GSAP: variants seen among roughly 807,000 people sequenced by gnomAD.
The protein encoded by GSAP is gamma-secretase activating protein.
A neutral mutation model predicts 131.7 loss-of-function variants in GSAP; 118 were observed. The observed-to-expected ratio is 0.90, with a 90% CI of 0.77 to 1.04. The LOEUF is 1.04. GSAP is among the 50% of genes least tolerant of loss of function. The pLI, the probability that GSAP is intolerant of heterozygous loss-of-function variation, is 0.00. For synonymous variants in GSAP, 381 were observed against 363.4 expected, an observed-to-expected ratio of 1.05 and a Z score of -0.55; for missense variants, 1,019 against 1,013.2, an observed-to-expected ratio of 1.01 and a Z score of -0.08.
chr7:77,389,529 C>T (rs1392361892), intron 5 of GSAP, among the ~76,000 whole-genome samples: 15 of 150,898 alleles, frequency 9.9e-5, no homozygotes, highest in Non-Finnish European at 1.8e-4. Flanking sequence ...TGAGAACACG[C>T]GGTGTTTGGT....
At position 77,314,431 on chromosome 7, in the gene GSAP, C is replaced by A; in HGVS notation, c.2148G>T (p.Leu716=). ...GCAACACTCCACTGTCAATGCAATG[C>A]AGCAGGTTATGCAAAGGGAGACACT... ...GVQCLPLHNL[L]HCIDSGVLLL... is the part of the protein sequence containing the mutation. Residue 716 remains leucine, a synonymous_variant, in exon 27 of 31, where the codon CTG becomes CTT. Transcript: ENST00000257626. 6.2e-7 allele frequency: 1 copy of A among 1,613,792 alleles called. No individual in the cohort carries two copies. Among genetic ancestry groups the A allele is most frequent in the South Asian group, 1.1e-5 (1 of 91,082 alleles).
At chr7:77,378,445 C>G (rs1421168566) in intron 8 of GSAP, among the ~76,000 whole-genome samples, 2 of 151,914 alleles carry the variant, frequency 1.3e-5, no homozygotes, top group Non-Finnish European at 2.9e-5. Flanking sequence ...GATCCCACCA[C>G]TGCACTCCAG....
chr7:77,323,557 C>A, intron 24 of GSAP, 90 bp downstream of exon 24: 2 of 589,902 alleles, frequency 3.4e-6, no homozygotes, highest in Admixed American at 3.3e-5. Flanking sequence ...ATTTGAAAAA[C>A]ACATAAATGG....
chr7:77,400,936 ATT>A (rs35614699), intron 3 of GSAP, among the ~76,000 whole-genome samples: 93 of 141,944 alleles, frequency 6.6e-4, no homozygotes, highest in African/African-American at 1.9e-3. Flanking sequence ...ACAATTACCA[ATT>A]TTTTTTTTTT....
At chr7:77,355,965 C>T (rs1019375547) in intron 14 of GSAP, among the ~76,000 whole-genome samples, 1 of 151,580 alleles carries the variant, frequency 6.6e-6, no homozygotes, top group Non-Finnish European at 1.5e-5. Context: ...CTAATATTTT[C>T]TATTTTTATA....
At chr7:77,390,768 A>G (rs1799340371) in intron 5 of GSAP, among the ~76,000 whole-genome samples, 1 of 151,580 alleles carries the variant, frequency 6.6e-6, no homozygotes, top group African/African-American at 2.4e-5. Flanking sequence ...AAAATAAAAA[A>G]TAAAAAAATA....
intron 1 of GSAP, among the ~76,000 whole-genome samples, chr7:77,409,140 G>C (rs145408953): frequency 6.6e-6 from 1 of 152,102 alleles, no homozygotes; most frequent in Admixed American, 6.6e-5. Flanking sequence ...TCACACTGAA[G>C]GATAATAAGG....
At chr7:77,357,890 T>G (rs747668599) in intron 14 of GSAP, among the ~76,000 whole-genome samples, 9 of 152,200 alleles carry the variant, frequency 5.9e-5, no homozygotes, top group Non-Finnish European at 1.2e-4. Context: ...GTTCTAAGTT[T>G]GCCATAATTT....
intron 1 of GSAP, among the ~76,000 whole-genome samples, chr7:77,406,804 AG>A (rs1318979719): frequency 1.3e-5 from 2 of 152,176 alleles, no homozygotes; most frequent in African/African-American, 4.8e-5. Flanking sequence ...CGGATACAGG[AG>A]CCGAGGGTAG....
chr7:77,350,031 CAAT>C (rs1490946643), intron 18 of GSAP, among the ~76,000 whole-genome samples: 8 of 151,914 alleles, frequency 5.3e-5, no homozygotes, highest in Non-Finnish European at 1.2e-4. Context: ...AAATGTCCAA[CAAT>C]GATAGACTGG....
At position 77,416,247 on chromosome 7, in the gene GSAP, C is replaced by G; in HGVS notation, c.75G>C (p.Val25=). 6.7e-7 allele frequency: 1 copy of G among 1,493,194 alleles called. No homozygotes were observed. Among genetic ancestry groups the G allele is most frequent in the Non-Finnish European group, 8.9e-7 (1 of 1,123,588 alleles). 92.5% of individuals were successfully genotyped at this position (1,493,194 alleles called of 1,614,324 possible). The change falls in exon 1 of 31, where the codon GTG becomes GTC. Residue 25 remains valine (V), a synonymous_variant. Coordinates refer to ENST00000257626, the MANE Select transcript of GSAP (RefSeq NM_017439.4). ...VLPWLRAQRA[V]SEASGAGSGG... ...CGCTTCCGGCCCCGCTGGCCTCCGA[C>G]ACTGCCCGCTGCGCCCGCAACCACG...
intron 8 of GSAP, 33 bp downstream of exon 8, chr7:77,381,272 A>AG: frequency 7.6e-7 from 1 of 1,321,676 alleles, no homozygotes; most frequent in Non-Finnish European, 1.1e-6. Context: ...GGAAAAAAAA[A>AG]CCTATGAAGC....
At position 77,312,174 on chromosome 7, in the gene GSAP, CAA is replaced by C; in HGVS notation, c.2298_2299del (p.Trp767GlyfsTer7). 3.7e-6 allele frequency: 6 copies of C among 1,600,718 alleles called. No homozygotes were observed. The highest frequency in any genetic ancestry group is 1.1e-5 in the South Asian group (1 of 88,446). On this transcript the variant is annotated frameshift_variant, in exon 29 of 31. Transcript: ENST00000257626. LOFTEE classifies it high-confidence loss of function. ...GATGTTAGAACTCATAGGATGATCCCAAAGTCTACAAATCTTCTGCCCAATAA... is the reference window on the plus strand; with the variant it reads ...GATGTTAGAACTCATAGGATGATCCCAGTCTACAAATCTTCTGCCCAATAA...
At chr7:77,348,076 G>C (rs1309801901) in intron 19 of GSAP, among the ~76,000 whole-genome samples, 1 of 151,994 alleles carries the variant, frequency 6.6e-6, no homozygotes, top group East Asian at 1.9e-4. Context: ...GGCTGAGACG[G>C]GAGGATTGCT....
chr7:77,318,044 T>C (rs2150601446), intron 26 of GSAP, among the ~76,000 whole-genome samples: 1 of 152,304 alleles, frequency 6.6e-6, no homozygotes, highest in East Asian at 1.9e-4. Context: ...GCATATGCTG[T>C]AGGGATTCTT....
chr7:77,385,488 T>C (rs1798431761), intron 6 of GSAP, among the ~76,000 whole-genome samples: 1 of 152,194 alleles, frequency 6.6e-6, no homozygotes, highest in Non-Finnish European at 1.5e-5. Context: ...CAATTCCCTT[T>C]AGTTACCCCA....
At chr7:77,321,309 TAA>T (rs1562895598) in intron 25 of GSAP, 22 bp downstream of exon 25, 1 of 1,453,708 alleles carries the variant, frequency 6.9e-7, no homozygotes, top group South Asian at 1.1e-5. Context: ...TACACCATGA[TAA>T]AAGTGAGAAA....
intron 7 of GSAP, among the ~76,000 whole-genome samples, chr7:77,381,664 A>G (rs1464513679): frequency 1.3e-5 from 2 of 152,124 alleles, no homozygotes; most frequent in African/African-American, 2.4e-5. Context: ...TGACTCCCCT[A>G]TACCATCAGC....
chr7:77,344,308 T>A (rs981861236), intron 19 of GSAP, among the ~76,000 whole-genome samples: 4 of 152,062 alleles, frequency 2.6e-5, no homozygotes, highest in African/African-American at 9.7e-5. Context: ...GGACTAATGG[T>A]CTTATAAAAA....
Sources: gnomAD v4.1 joint callset for allele counts (sites outside exome capture counted in the v4.1 genomes callset) on GRCh38, gnomAD v4.1.1 for gene constraint, MANE v1.5 for transcripts, NCBI Gene and HGNC (gene_info 2026-07-23, HGNC 2026-07-21) for gene names.